The following RARS2 variants were observed in gnomAD, a reference collection of about 807,000 sequenced individuals.
RARS2 encodes arginyl-tRNA synthetase 2, mitochondrial.
RARS2 carries 67 observed loss-of-function variants against 88.5 expected under a neutral mutation model. The ratio of observed to expected loss-of-function variants is 0.76; its 90% CI spans 0.62 to 0.93. RARS2 has a LOEUF of 0.93. Among genes scored for constraint, RARS2 ranks in the 40% least tolerant of loss-of-function variants. RARS2 has a pLI of 0.00. For synonymous variants in RARS2, 239 were observed against 230.3 expected, an observed-to-expected ratio of 1.04 and a Z score of -0.34; for missense variants, 664 against 684.2, an observed-to-expected ratio of 0.97 and a Z score of 0.33.
At chr6:87,532,713 G>C (rs377091641) in intron 8 of RARS2, among the ~76,000 whole-genome samples, 1 of 152,122 alleles carries the variant, frequency 6.6e-6, no homozygotes, top group African/African-American at 2.4e-5. Flanking sequence ...AGACTATGCT[G>C]AGTTCTGTGA....
intron 1 of RARS2, among the ~76,000 whole-genome samples, chr6:87,586,881 GTTATTTATTTATTTAT>G (rs145438214): frequency 0.038 from 5,586 of 147,498 alleles, 346 homozygotes; most frequent in African/African-American, 0.13. Context: ...TGTGGGGTTG[GTTATTTATTTATTTAT>G]TTATTTATTT....
In RARS2 at chr6:87,576,423, C is replaced by G. The variant is rs1020653879; in HGVS notation, c.37-6833G>C. Among the ~76,000 whole-genome samples, 117 of 110,642 alleles carry G rather than the reference C, an allele frequency of 1.1e-3. 30 individuals carry two copies. Among genetic ancestry groups the G allele is most frequent in the African/African-American group, 4.0e-3 (116 of 29,316 alleles). The allele number at this position is 110,642 out of a possible 152,430, so 72.6% of individuals were successfully genotyped here. On this transcript the variant is annotated intron_variant, in intron 1 of 19. Transcript: ENST00000369536. ...TCCCGAGTAGCTGGGACTACAGGCG[C>G]CCGCTACCACGCCCGGCTAATTTTT...
At chr6:87,586,449 A>G (rs1254449248) in intron 1 of RARS2, among the ~76,000 whole-genome samples, 1 of 152,202 alleles carries the variant, frequency 6.6e-6, no homozygotes, top group Non-Finnish European at 1.5e-5. Context: ...GAGACCTAAC[A>G]TCACCTTTCT....
chr6:87,529,479 G>A lies in RARS2; in HGVS notation c.878+63C>T, dbSNP rs1404474788. 4.7e-6 allele frequency: 5 copies of A among 1,053,592 alleles called. No homozygotes were observed. The East Asian group carries it at 1.2e-4, about 25-fold the overall frequency. 65.3% of individuals were successfully genotyped at this position (1,053,592 alleles called of 1,614,324 possible). A position where few individuals can be genotyped will look rare whatever the true frequency, so the allele number is the denominator to read the frequency against. The stretch of plus-strand genomic sequence containing the variant: ...TGCATTCTGTTGTCCTTACTCAAAG[G>A]ATACATCAATAACAATTTCAAAGAA... On this transcript the variant is annotated intron_variant, in intron 10 of 19. Coordinates refer to ENST00000369536, the MANE Select transcript of RARS2 (RefSeq NM_020320.5).
At chr6:87,552,633 TA>T (rs1004500495) in intron 5 of RARS2, among the ~76,000 whole-genome samples, 17 of 150,446 alleles carry the variant, frequency 1.1e-4, no homozygotes, top group Admixed American at 2.0e-4. Flanking sequence ...TTTAAAAGCA[TA>T]AAAAAAAGGA....
At position 87,576,625 on chromosome 6, in the gene RARS2, C is replaced by T. The variant is rs115190934; in HGVS notation, c.37-7035G>A. Among the ~76,000 whole-genome samples the T allele has an allele frequency of 9.1e-3, 1,382 of 152,116 alleles. 20 individuals carry two copies. Among genetic ancestry groups the T allele is most frequent in the African/African-American group, 0.031 (1,287 of 41,504 alleles). ...ACCTATTGTGTAAGGTAAGAGTTTG[C>T]CAGAGATGGGTACTCTCGGGAATTT... is the stretch of plus-strand genomic sequence containing the variant. On this transcript the variant is annotated intron_variant, in intron 1 of 19. Coordinates refer to ENST00000369536, the MANE Select transcript of RARS2 (RefSeq NM_020320.5).
intron 18 of RARS2, among the ~76,000 whole-genome samples, chr6:87,516,110 CTTG>C (rs1771650943): frequency 6.6e-6 from 1 of 152,094 alleles, no homozygotes; most frequent in South Asian, 2.1e-4. Flanking sequence ...GATTTCAATA[CTTG>C]TTGAGTAAAA....
At chr6:87,569,465 T>C in intron 2 of RARS2, 52 bp downstream of exon 2, 1 of 1,424,636 alleles carries the variant, frequency 7.0e-7, no homozygotes. Flanking sequence ...TTTTGGTGTA[T>C]CAACAAAGTC....
chr6:87,530,734 C>T (rs371496540), intron 9 of RARS2, 50 bp downstream of exon 9: 43 of 1,588,332 alleles, frequency 2.7e-5, no homozygotes, highest in Middle Eastern at 3.3e-4. Flanking sequence ...AGGTAACAGC[C>T]GAGAGCTGCA....
intron 8 of RARS2, among the ~76,000 whole-genome samples, chr6:87,534,035 G>A (rs1778389555): frequency 6.6e-6 from 1 of 152,034 alleles, no homozygotes; most frequent in Admixed American, 6.6e-5. Flanking sequence ...TTTTTACCTA[G>A]TTTAGAAAAG....
At chr6:87,515,076 A>T (rs1000024592) in intron 18 of RARS2, 56 bp from the exon 19 acceptor site, 35 of 1,336,152 alleles carry the variant, frequency 2.6e-5, no homozygotes, top group Non-Finnish European at 3.8e-5. Context: ...CTGTTGTAAG[A>T]TATGAGCTTG....
chr6:87,533,639 A>T (rs1007707826), intron 8 of RARS2, among the ~76,000 whole-genome samples: 1 of 152,240 alleles, frequency 6.6e-6, no homozygotes, highest in Non-Finnish European at 1.5e-5. Context: ...TTTAGGGAAT[A>T]AACTAAATGT....
intron 1 of RARS2, among the ~76,000 whole-genome samples, chr6:87,575,278 C>CACACACACACACACACACACACA (rs1554218761): frequency 7.2e-6 from 1 of 139,534 alleles, no homozygotes; most frequent in Non-Finnish European, 1.6e-5. Flanking sequence ...CACACACACA[C>CACACACACACACACACACACACA]CTTGGCTTCT....
chr6:87,551,348 G>A (rs898595550), intron 5 of RARS2, among the ~76,000 whole-genome samples: 6 of 151,908 alleles, frequency 3.9e-5, no homozygotes, highest in East Asian at 1.9e-4. Context: ...ACTCTTGGCC[G>A]GGCATGGTCG....
In RARS2 at chr6:87,576,401, C is replaced by T. The variant is rs543308956; in HGVS notation, c.37-6811G>A. On this transcript the variant is annotated intron_variant, in intron 1 of 19. Coordinates refer to ENST00000369536, the MANE Select transcript of RARS2 (RefSeq NM_020320.5). ...ACGCCATTCTCCTGCCTCAGCCTCCCGAGTAGCTGGGACTACAGGCGCCCG... is the reference window on the plus strand; with the variant it reads ...ACGCCATTCTCCTGCCTCAGCCTCCTGAGTAGCTGGGACTACAGGCGCCCG... Among the ~76,000 whole-genome samples the T allele has an allele frequency of 5.5e-5, 6 of 108,770 alleles. 1 individual carries two copies. Among genetic ancestry groups the T allele is most frequent in the East Asian group, 2.6e-4 (1 of 3,832 alleles). The allele number at this position is 108,770 out of a possible 152,430, so 71.4% of individuals were successfully genotyped here.
intron 1 of RARS2, among the ~76,000 whole-genome samples, chr6:87,587,338 C>T (rs1436921710): frequency 6.6e-6 from 1 of 152,170 alleles, no homozygotes; most frequent in Non-Finnish European, 1.5e-5. Context: ...TCAAACTGTA[C>T]GGAACATGTT....
At chr6:87,518,054 A>T in intron 17 of RARS2, 115 bp downstream of exon 17, 1 of 1,596,234 alleles carries the variant, frequency 6.3e-7, no homozygotes, top group South Asian at 1.1e-5. Context: ...ACCTTTGGGA[A>T]AAGTCTAGAG....
chr6:87,568,240 G>A (rs1191855427), intron 2 of RARS2, among the ~76,000 whole-genome samples: 1 of 152,206 alleles, frequency 6.6e-6, no homozygotes, highest in Non-Finnish European at 1.5e-5. Flanking sequence ...GTTCATACTT[G>A]TAATCCCAGT....
chr6:87,554,317 C>T (rs1785156861), intron 5 of RARS2, among the ~76,000 whole-genome samples: 1 of 152,098 alleles, frequency 6.6e-6, no homozygotes, highest in Non-Finnish European at 1.5e-5. Flanking sequence ...GTCCAAATAT[C>T]AGACAGTTAT....
Sources: allele counts gnomAD v4.1 joint callset (sites outside exome capture counted in the v4.1 genomes callset), GRCh38; gene constraint gnomAD v4.1.1; transcripts MANE v1.5; gene names NCBI Gene and HGNC (gene_info 2026-07-23, HGNC 2026-07-21).